Variants in C1QTNF1 observed in about 807,000 individuals in gnomAD.
C1QTNF1 encodes the protein complement C1q tumor necrosis factor-related protein 1.
In C1QTNF1, 22 loss-of-function variants were observed where a neutral mutation model predicts 27.8. That is an observed-to-expected ratio of 0.79 (90% CI 0.56 to 1.13). C1QTNF1 has a LOEUF of 1.13. Ranked by LOEUF, C1QTNF1 falls within the 50% of genes most tolerant of loss-of-function variation. The pLI, the probability that C1QTNF1 is intolerant of heterozygous loss-of-function variation, is 0.00. For synonymous variants in C1QTNF1, 166 were observed against 154.3 expected (o/e 1.08, Z -0.56); for missense variants, 373 against 380.2 (o/e 0.98, Z 0.16).
intron 1 of C1QTNF1, among the ~76,000 whole-genome samples, chr17:79,030,172 T>C (rs1450018268): frequency 6.6e-6 from 1 of 152,260 alleles, no homozygotes; most frequent in East Asian, 1.9e-4. Flanking sequence ...TGGAAAATAA[T>C]GTGTACTTAC....
intron 1 of C1QTNF1, among the ~76,000 whole-genome samples, chr17:79,029,168 G>A (rs957049551): frequency 2.6e-5 from 4 of 152,146 alleles, no homozygotes; most frequent in Non-Finnish European, 4.4e-5. Flanking sequence ...CTGCTGCAGC[G>A]GTTCCACCTA....
intron 1 of C1QTNF1, among the ~76,000 whole-genome samples, chr17:79,038,795 T>C (rs1174684621): frequency 6.6e-6 from 1 of 152,218 alleles, no homozygotes; most frequent in Admixed American, 6.5e-5. Flanking sequence ...GAGCCAAGTT[T>C]GGTTAGATGT....
chr17:79,043,636 A>G (rs77266596), intron 1 of C1QTNF1: 9,770 of 487,850 alleles, frequency 0.02, 700 homozygotes, highest in African/African-American at 0.17. Flanking sequence ...TGTGGGTTGC[A>G]TGTGAGTGTA....
Position 79,048,214 on chromosome 17 carries a change from A to G in C1QTNF1, c.*126A>G, listed in dbSNP as rs972897199. 2.1e-6 allele frequency: 2 copies of G among 941,616 alleles called. No homozygotes were observed. The highest frequency in any genetic ancestry group is 1.9e-5 in the South Asian group (1 of 53,806). The allele number at this position is 941,616 out of a possible 1,614,324, so 58.3% of individuals were successfully genotyped here. A position where few individuals can be genotyped will look rare whatever the true frequency, so the allele number is the denominator to read the frequency against. On this transcript the variant is annotated 3_prime_UTR_variant, in exon 4 of 4. Coordinates refer to ENST00000579760, the MANE Select transcript of C1QTNF1 (RefSeq NM_030968.5). ...GCATTCAGTGAGACGCCCTGCACAC[A>G]CAGAAAGCCAAAGCGATCGGTGCTC...
intron 1 of C1QTNF1, chr17:79,025,038 C>T (rs925304960): frequency 6.6e-6 from 1 of 152,316 alleles, no homozygotes; most frequent in Admixed American, 6.5e-5. Flanking sequence ...CATCTGACAG[C>T]CTTGGTGTCC....
At chr17:79,045,597 G>A (rs1054073826) in intron 2 of C1QTNF1, among the ~76,000 whole-genome samples, 1 of 152,214 alleles carries the variant, frequency 6.6e-6, no homozygotes, top group African/African-American at 2.4e-5. Context: ...GTTGTGCCAG[G>A]GGGTTGGCGG....
intron 1 of C1QTNF1, among the ~76,000 whole-genome samples, chr17:79,031,826 A>G (rs1366913673): frequency 1.3e-5 from 2 of 152,218 alleles, no homozygotes; most frequent in Non-Finnish European, 2.9e-5. Flanking sequence ...ATCTCTTTGA[A>G]GCAATAGACT....
At chr17:79,039,676 C>A (rs1168896226) in intron 1 of C1QTNF1, among the ~76,000 whole-genome samples, 1 of 149,326 alleles carries the variant, frequency 6.7e-6, no homozygotes, top group East Asian at 2.0e-4. Context: ...ACAAAAAAAC[C>A]CAGCAATCCT....
intron 1 of C1QTNF1, among the ~76,000 whole-genome samples, chr17:79,028,440 GT>G (rs1408973468): frequency 3.3e-5 from 5 of 152,190 alleles, no homozygotes; most frequent in Admixed American, 1.3e-4. Context: ...CTGCCCACAG[GT>G]TCCTGGGGCC....
chr17:79,038,775 C>T (rs2072326861), intron 1 of C1QTNF1, among the ~76,000 whole-genome samples: 1 of 152,210 alleles, frequency 6.6e-6, no homozygotes, highest in Admixed American at 6.5e-5. Context: ...AAATCACTAA[C>T]AGTGATCTGG....
chr17:79,025,871 G>A, intron 1 of C1QTNF1: 1 of 424,460 alleles, frequency 2.4e-6, no homozygotes, highest in Non-Finnish European at 4.8e-6. Flanking sequence ...CAACAACAGT[G>A]GCAATCATCA....
upstream of C1QTNF1, among the ~76,000 whole-genome samples, chr17:79,023,712 A>G (rs924275945): frequency 4.4e-4 from 66 of 150,796 alleles, no homozygotes; most frequent in East Asian, 1.0e-3. Flanking sequence ...GCGCACACAC[A>G]CACACACACA....
rs562239902 is a variant in C1QTNF1, at chr17:79,033,882, C to G, written c.-15+9388C>G. Among the ~76,000 whole-genome samples, 6 of 152,224 alleles carry G rather than the reference C, an allele frequency of 3.9e-5. No homozygotes were observed. The East Asian group carries it at 1.2e-3, about 29-fold the overall frequency. ...TCGACATTGGCAGATGCTTACAGTGCGCACGAAAGAGGAATGCAGAAGGGT... is the reference window on the plus strand; with the variant it reads ...TCGACATTGGCAGATGCTTACAGTGGGCACGAAAGAGGAATGCAGAAGGGT... On this transcript the variant is annotated intron_variant, in intron 1 of 3. Transcript: ENST00000579760.
Position 79,047,819 on chromosome 17 carries a change from T to C in C1QTNF1, c.577T>C (p.Tyr193His), listed in dbSNP as rs762357726. The stretch of plus-strand genomic sequence containing the variant: ...GTTCTACTGCTACGTGCCCGGCCTC[T>C]ACTTCTTCAGCCTCAACGTGCACAC... ...GKFYCYVPGL[Y>H]FFSLNVHTWN... Residue 193 changes from tyrosine (Y) to histidine (H), a missense_variant, in exon 4 of 4, where the codon TAC (tyrosine) becomes CAC (histidine). Physicochemically the swap from Tyr to His is moderately conservative, Grantham distance 83. Coordinates refer to ENST00000579760, the MANE Select transcript of C1QTNF1 (RefSeq NM_030968.5). 20 of 1,614,046 alleles carry C rather than the reference T, an allele frequency of 1.2e-5. No homozygotes were observed. Among genetic ancestry groups the C allele is most frequent in the Non-Finnish European group, 1.5e-5 (18 of 1,180,020 alleles).
intron 1 of C1QTNF1, among the ~76,000 whole-genome samples, chr17:79,033,858 C>G (rs1024901744): frequency 2.0e-5 from 3 of 152,036 alleles, no homozygotes; most frequent in African/African-American, 7.2e-5. Context: ...AGAGGGCAGT[C>G]GACATTGGCA....
chr17:79,023,737 C>CACACAG (rs1491219499), upstream of C1QTNF1, among the ~76,000 whole-genome samples: 7 of 144,608 alleles, frequency 4.8e-5, no homozygotes, highest in Non-Finnish European at 9.2e-5. Flanking sequence ...CACACACACA[C>CACACAG]AGTTTGGCAT....
intron 1 of C1QTNF1, among the ~76,000 whole-genome samples, chr17:79,041,492 C>G (rs1274181783): frequency 6.6e-6 from 1 of 152,120 alleles, no homozygotes; most frequent in African/African-American, 2.4e-5. Flanking sequence ...CAAGAGCCCA[C>G]TAAAGTCCTG....
chr17:79,025,292 G>T (rs2071912566), intron 1 of C1QTNF1, among the ~76,000 whole-genome samples: 1 of 152,140 alleles, frequency 6.6e-6, no homozygotes, highest in South Asian at 2.1e-4. Context: ...CAATACCCGG[G>T]CCACACTCTT....
chr17:79,041,063 G>A (rs1270762661), intron 1 of C1QTNF1, among the ~76,000 whole-genome samples: 1 of 152,200 alleles, frequency 6.6e-6, no homozygotes, highest in Non-Finnish European at 1.5e-5. Context: ...CTAACTAGAC[G>A]GATAGCTGGA....
Sources: gnomAD v4.1 joint callset for allele counts (sites outside exome capture counted in the v4.1 genomes callset) on GRCh38, gnomAD v4.1.1 for gene constraint, MANE v1.5 for transcripts, NCBI Gene and HGNC (gene_info 2026-07-23, HGNC 2026-07-21) for gene names.